Variants in PROS1 observed in about 807,000 individuals in gnomAD.
The protein encoded by PROS1 is protein S, also known as vitamin K-dependent protein S.
Under a neutral mutation model 75.9 loss-of-function variants are expected in PROS1, and 29 were observed. That is an observed-to-expected ratio of 0.38 (90% CI 0.28 to 0.52). The LOEUF (loss-of-function observed/expected upper bound fraction) is 0.52, where lower values mean the gene tolerates loss of function less well. Ranked by LOEUF, PROS1 falls within the 20% of genes least tolerant of loss-of-function variation. The probability of loss-of-function intolerance (pLI) is 0.83; values close to 1 mark genes in which losing one functional copy is unlikely to be tolerated. For synonymous variants in PROS1, 245 were observed against 280.6 expected (o/e 0.87, Z 1.27); for missense variants, 680 against 810.3 (o/e 0.84, Z 1.95).
intron 3 of PROS1, among the ~76,000 whole-genome samples, chr3:93,918,462 T>C (rs927509924): frequency 1.3e-5 from 2 of 152,090 alleles, no homozygotes; most frequent in African/African-American, 4.8e-5. Flanking sequence ...CCACACTGCC[T>C]TTATGAGCTG....
At position 93,973,534 on chromosome 3, in the gene PROS1, C is replaced by T. The variant is rs969374906; in HGVS notation, c.76+140G>A. 3.5e-6 allele frequency: 3 copies of T among 845,326 alleles called. No homozygotes were observed. In the African/African-American group the frequency reaches 5.1e-5, roughly 14 times the overall value. 52.4% of individuals were successfully genotyped at this position (845,326 alleles called of 1,614,324 possible). The stretch of plus-strand genomic sequence containing the variant: ...CTGCCTGCTCTATCCACGGCTGTTT[C>T]CATCCGCTGGGTGTCTGTCGGTACT... On this transcript the variant is annotated intron_variant, in intron 1 of 14. Coordinates refer to ENST00000394236, the MANE Select transcript of PROS1 (RefSeq NM_000313.4).
chr3:93,899,568 C>T (rs550434547), intron 7 of PROS1, among the ~76,000 whole-genome samples: 9 of 152,162 alleles, frequency 5.9e-5, no homozygotes, highest in Admixed American at 2.0e-4. Flanking sequence ...GAGTTTTCCA[C>T]GGTAATTTCT....
intron 3 of PROS1, chr3:93,911,019 T>C (rs1240613435): frequency 1.6e-5 from 5 of 315,074 alleles, no homozygotes; most frequent in Admixed American, 9.6e-5. Context: ...AAGTCTATGT[T>C]TTTAATTCCA....
At chr3:93,894,838 A>G (rs1048073902) in intron 9 of PROS1, among the ~76,000 whole-genome samples, 1 of 152,234 alleles carries the variant, frequency 6.6e-6, no homozygotes, top group Non-Finnish European at 1.5e-5. Flanking sequence ...TAATGTGTAC[A>G]TATCGGTACA....
intron 1 of PROS1, among the ~76,000 whole-genome samples, chr3:93,972,868 C>G (rs549862101): frequency 2.6e-5 from 4 of 151,848 alleles, no homozygotes; most frequent in Admixed American, 2.6e-4. Context: ...AACAAAAAGG[C>G]GTTTTTATTC....
rs1201584999 is a variant in PROS1 at position 93,924,229 on chromosome 3, T to C, written c.259+11A>G. 3.8e-6 allele frequency: 5 copies of C among 1,311,958 alleles called. No individual in the cohort carries two copies. Among genetic ancestry groups the C allele is most frequent in the Non-Finnish European group, 5.2e-6 (5 of 961,312 alleles). The allele number at this position is 1,311,958 out of a possible 1,614,324, so 81.3% of individuals were successfully genotyped here. A position where few individuals can be genotyped will look rare whatever the true frequency, so the allele number is the denominator to read the frequency against. ...TTCTAAGATTATATAATTGAGATGT[T>C]TTGAACTTACCTAAGTATTTTGGAT... On this transcript the variant is annotated intron_variant, in intron 3 of 14. Coordinates refer to ENST00000394236, the MANE Select transcript of PROS1 (RefSeq NM_000313.4).
intron 8 of PROS1, among the ~76,000 whole-genome samples, chr3:93,896,943 G>A (rs1259381744): frequency 1.3e-5 from 2 of 152,108 alleles, no homozygotes; most frequent in African/African-American, 4.8e-5. Flanking sequence ...TTCGATCTTT[G>A]TCTTTAATAC....
At chr3:93,929,734 T>C (rs535393518) in intron 1 of PROS1, among the ~76,000 whole-genome samples, 9 of 152,322 alleles carry the variant, frequency 5.9e-5, no homozygotes, top group African/African-American at 1.9e-4. Context: ...ACAATTATAT[T>C]TGGAGAAAAG....
chr3:93,912,699 A>G (rs1708776780), intron 3 of PROS1, among the ~76,000 whole-genome samples: 1 of 152,152 alleles, frequency 6.6e-6, no homozygotes, highest in Non-Finnish European at 1.5e-5. Flanking sequence ...GTGTCTCATG[A>G]AGGCCCTCTT....
chr3:93,940,439 CT>C (rs1709266505), intron 1 of PROS1, among the ~76,000 whole-genome samples: 2 of 152,144 alleles, frequency 1.3e-5, no homozygotes, highest in Admixed American at 1.3e-4. Context: ...TTTCCCTTGC[CT>C]CCATAACTGT....
chr3:93,928,536 A>G (rs1313871524), intron 1 of PROS1, among the ~76,000 whole-genome samples: 3 of 150,050 alleles, frequency 2.0e-5, no homozygotes, highest in African/African-American at 7.3e-5. Flanking sequence ...TCTGTCTCAA[A>G]AAAAAAAAAA....
At chr3:93,972,446 C>G (rs1709893974) in intron 1 of PROS1, among the ~76,000 whole-genome samples, 1 of 152,158 alleles carries the variant, frequency 6.6e-6, no homozygotes. Flanking sequence ...AAATTTCCAT[C>G]TTCAAAAAGT....
chr3:93,886,237 C>A (rs1460895115), intron 11 of PROS1, 99 bp downstream of exon 11: 3 of 1,154,928 alleles, frequency 2.6e-6, no homozygotes, highest in Non-Finnish European at 3.9e-6. Flanking sequence ...GTATGCTTAA[C>A]AAAACAACTT....
chr3:93,964,748 C>G (rs1167791303), intron 1 of PROS1, among the ~76,000 whole-genome samples: 3 of 152,132 alleles, frequency 2.0e-5, no homozygotes, highest in Non-Finnish European at 4.4e-5. Context: ...TAAAAACCTG[C>G]TGGTTTTGAG....
At chr3:93,968,293 GA>G (rs1405667832) in intron 1 of PROS1, among the ~76,000 whole-genome samples, 1 of 152,170 alleles carries the variant, frequency 6.6e-6, no homozygotes, top group African/African-American at 2.4e-5. Flanking sequence ...TGTGGGCACA[GA>G]GACAGACATG....
chr3:93,952,987 G>C (rs537023538), intron 1 of PROS1, among the ~76,000 whole-genome samples: 5 of 152,078 alleles, frequency 3.3e-5, no homozygotes, highest in Non-Finnish European at 7.4e-5. Context: ...AGAAGAAATG[G>C]ATACATTGCT....
intron 1 of PROS1, among the ~76,000 whole-genome samples, chr3:93,957,158 A>G (rs1032274638): frequency 6.6e-6 from 1 of 152,214 alleles, no homozygotes; most frequent in Non-Finnish European, 1.5e-5. Context: ...TTATGTATCT[A>G]TTTTAAAGGG....
intron 3 of PROS1, among the ~76,000 whole-genome samples, chr3:93,917,701 G>A (rs1488109553): frequency 1.3e-5 from 2 of 152,174 alleles, no homozygotes; most frequent in Non-Finnish European, 2.9e-5. Context: ...GGCCCTGCCA[G>A]CAGGGGCAAT....
chr3:93,969,330 A>G (rs1467761809), intron 1 of PROS1, among the ~76,000 whole-genome samples: 1 of 152,088 alleles, frequency 6.6e-6, no homozygotes, highest in African/African-American at 2.4e-5. Context: ...TATTTGCATT[A>G]TATCAGATAA....
Sources: allele counts gnomAD v4.1 joint callset (sites outside exome capture counted in the v4.1 genomes callset), GRCh38; gene constraint gnomAD v4.1.1; transcripts MANE v1.5; gene names NCBI Gene and HGNC (gene_info 2026-07-23, HGNC 2026-07-21).